ADCYAP1R1: variants seen among roughly 807,000 people sequenced by gnomAD.
ADCYAP1R1 encodes pituitary adenylate cyclase-activating polypeptide type I receptor.
A neutral mutation model predicts 67.6 loss-of-function variants in ADCYAP1R1; 44 were observed. The ratio of observed to expected loss-of-function variants is 0.65; its 90% CI spans 0.51 to 0.84. The LOEUF (loss-of-function observed/expected upper bound fraction) is 0.84, where lower values mean the gene tolerates loss of function less well. Ranked by LOEUF, ADCYAP1R1 falls within the 40% of genes least tolerant of loss-of-function variation. ADCYAP1R1 has a pLI of 0.00. For missense variants in ADCYAP1R1, 477 were observed against 587.9 expected (o/e 0.81, Z 1.95); for synonymous variants, 222 against 219.6 (o/e 1.01, Z -0.10).
At chr7:31,097,329 GACTTAATT>G (rs1450181849) in intron 13 of ADCYAP1R1, among the ~76,000 whole-genome samples, 2 of 152,192 alleles carry the variant, frequency 1.3e-5, no homozygotes, top group African/African-American at 4.8e-5. Flanking sequence ...CCTTCTTCCT[GACTTAATT>G]TATTTTCCCT....
At chr7:31,099,977 T>C in intron 13 of ADCYAP1R1, 1 of 716,266 alleles carries the variant, frequency 1.4e-6, no homozygotes, top group Non-Finnish European at 2.4e-6. Flanking sequence ...GAGCTGCCCA[T>C]GTCTTGGCCC....
chr7:31,061,768 G>A (rs1002716295), intron 1 of ADCYAP1R1, among the ~76,000 whole-genome samples: 6 of 152,168 alleles, frequency 3.9e-5, no homozygotes, highest in African/African-American at 1.4e-4. Context: ...GAGAGAGGGA[G>A]GGGACGTGGT....
Position 31,080,637 on chromosome 7 carries a change from A to C in ADCYAP1R1, c.286+4A>C. 6.2e-7 allele frequency: 1 copy of C among 1,613,810 alleles called. No homozygotes were observed. The highest frequency in any genetic ancestry group is 8.5e-7 in the Non-Finnish European group (1 of 1,179,956). On this transcript the variant is annotated splice_donor_region_variant and intron_variant, in intron 5 of 15. Transcript: ENST00000304166. Reference sequence around the variant, plus strand: ...GTCTGGGAGACCGAAACCATTGGTAAGAGGAACCTTGGTGAGGATAGACCG... The same window carrying C: ...GTCTGGGAGACCGAAACCATTGGTACGAGGAACCTTGGTGAGGATAGACCG...
At chr7:31,067,479 G>T (rs966335438) in intron 3 of ADCYAP1R1, among the ~76,000 whole-genome samples, 2 of 151,738 alleles carry the variant, frequency 1.3e-5, no homozygotes, top group African/African-American at 4.8e-5. Context: ...TGTGTGCCAG[G>T]CTCTGTGCCA....
chr7:31,078,106 T>C lies in ADCYAP1R1; in HGVS notation c.265+8T>C, dbSNP rs754064970. ...TCTTCAACCCAGACCAAGGTGGGTT[T>C]AGCCCAGTCTCTTTAGGCCACGCTG... On this transcript the variant is annotated splice_region_variant and intron_variant, in intron 4 of 15. Coordinates refer to ENST00000304166, the MANE Select transcript of ADCYAP1R1 (RefSeq NM_001118.5). 68 of 1,603,070 alleles carry C rather than the reference T, an allele frequency of 4.2e-5. No homozygotes were observed. In the South Asian group the frequency reaches 7.6e-4, roughly 18 times the overall value.
chr7:31,108,550 C>T lies in ADCYAP1R1; in HGVS notation c.*1866C>T, dbSNP rs1796731487. The T allele has an allele frequency of 6.6e-6, 1 of 152,248 alleles. No homozygotes were observed. The highest frequency in any genetic ancestry group is 2.4e-5 in the African/African-American group (1 of 41,454). The allele number at this position is 152,248 out of a possible 1,614,324, so 9.4% of individuals were successfully genotyped here. On this transcript the variant is annotated 3_prime_UTR_variant, in exon 16 of 16. Coordinates refer to ENST00000304166, the MANE Select transcript of ADCYAP1R1 (RefSeq NM_001118.5). ...GGCCTAGGGTTCAGGGAACTAGACT[C>T]TATCCCAGTTGGGTTCAGACTGCTG...
intron 1 of ADCYAP1R1, among the ~76,000 whole-genome samples, chr7:31,058,952 G>C (rs1197919838): frequency 6.6e-6 from 1 of 152,218 alleles, no homozygotes; most frequent in Admixed American, 6.5e-5. Flanking sequence ...GCTAATGCTA[G>C]TAACTATTTC....
intron 3 of ADCYAP1R1, among the ~76,000 whole-genome samples, chr7:31,069,854 G>C (rs2128620408): frequency 6.6e-6 from 1 of 152,336 alleles, no homozygotes; most frequent in East Asian, 1.9e-4. Flanking sequence ...AGCCTGCCTT[G>C]CATTGTTTGC....
Position 31,086,765 on chromosome 7 carries a change from C to A in ADCYAP1R1, c.824-178C>A, listed in dbSNP as rs541047001. Among the ~76,000 whole-genome samples, 1 of 152,086 alleles carries A rather than the reference C, an allele frequency of 6.6e-6. No individual in the cohort carries two copies. The highest frequency in any genetic ancestry group is 2.4e-5 in the African/African-American group (1 of 41,404). On this transcript the variant is annotated intron_variant, in intron 10 of 15. Transcript: ENST00000304166. The surrounding 1 kb of genome is among the most constrained non-coding windows in gnomAD (Gnocchi z 5.0). ...AGGAGTCCTCTGAGAGACAAGACAG[C>A]CCTTGGTCTGAGGGAGATATAGACC...
At chr7:31,078,182 G>C (rs1795358465) in intron 4 of ADCYAP1R1, 84 bp downstream of exon 4, 1 of 1,117,642 alleles carries the variant, frequency 8.9e-7, no homozygotes, top group Admixed American at 2.4e-5. Context: ...AGGACAGGGA[G>C]GCCACCCTGT....
intron 4 of ADCYAP1R1, among the ~76,000 whole-genome samples, chr7:31,078,480 G>T (rs1256128710): frequency 6.6e-6 from 1 of 152,206 alleles, no homozygotes; most frequent in Non-Finnish European, 1.5e-5. Flanking sequence ...CGCTTTGAAC[G>T]TGCAGTAGTA....
At chr7:31,064,143 C>T (rs1794631471) in intron 2 of ADCYAP1R1, among the ~76,000 whole-genome samples, 1 of 152,202 alleles carries the variant, frequency 6.6e-6, no homozygotes, top group Non-Finnish European at 1.5e-5. Context: ...GTTTCTTAAC[C>T]TCTCTGAGCC....
rs79629468 is a variant in ADCYAP1R1, at chr7:31,102,289, A to G, written c.1047-948A>G. 0.013 allele frequency among the ~76,000 whole-genome samples: 1,968 copies of G among 152,254 alleles called. 55 individuals are homozygous for G. Among genetic ancestry groups the G allele is most frequent in the East Asian group, 0.092 (474 of 5,144 alleles). On this transcript the variant is annotated intron_variant, in intron 13 of 15. Transcript: ENST00000304166. The surrounding 1 kb of genome is among the most constrained non-coding windows in gnomAD (Gnocchi z 4.3). ...CAGGTGCAGCCTGGGGGCAGGCCAC[A>G]TCTGCGGGGCAGGCCACATCTGCAG...
In ADCYAP1R1 at chr7:31,080,561, A is replaced by G. The variant is rs1795473257; in HGVS notation, c.266-52A>G. ...AGGAGAGCAGCCCCTGACTTTTCTC[A>G]CCCCGCTGCTCACCTCTGACTTTTC... On this transcript the variant is annotated intron_variant, in intron 4 of 15. Coordinates refer to ENST00000304166, the MANE Select transcript of ADCYAP1R1 (RefSeq NM_001118.5). 3 of 1,596,578 alleles carry G rather than the reference A, an allele frequency of 1.9e-6. No homozygotes were observed. In the Admixed American group the frequency reaches 5.0e-5, roughly 27 times the overall value.
chr7:31,085,486 C>T lies in ADCYAP1R1; in HGVS notation c.669+44C>T, dbSNP rs200295217. On this transcript the variant is annotated intron_variant, in intron 9 of 15. Transcript: ENST00000304166. ...CCCATTAGGGCTCTGCCGGGAAGGT[C>T]CCGCACCATCCCCTTGGTTCCCCAG... 4 of 1,574,488 alleles carry T rather than the reference C, an allele frequency of 2.5e-6. No homozygotes were observed. In the Admixed American group the frequency reaches 5.3e-5, roughly 21 times the overall value.
At position 31,103,186 on chromosome 7, in the gene ADCYAP1R1, GC is replaced by G. The variant is rs111828121; in HGVS notation, c.1047-47del. ...GAGTTCTCTGCCCTCCGTGGCTCTG[GC>G]CCCGAGCCCTGGAAGTCCCCAGAGC... On this transcript the variant is annotated intron_variant, in intron 13 of 15. Transcript: ENST00000304166. The G allele has an allele frequency of 6.5e-4, 1,033 of 1,599,000 alleles. 7 individuals carry two copies. The African/African-American group carries it at 0.012, about 18-fold the overall frequency.
intron 13 of ADCYAP1R1, among the ~76,000 whole-genome samples, chr7:31,095,936 G>C (rs936003625): frequency 6.6e-6 from 1 of 152,150 alleles, no homozygotes; most frequent in African/African-American, 2.4e-5. Flanking sequence ...ACAGGACTTG[G>C]GCAGTGGGCA....
intron 3 of ADCYAP1R1, 127 bp from the exon 4 acceptor site, chr7:31,077,864 T>G (rs1170271876): frequency 1.8e-6 from 1 of 566,502 alleles, no homozygotes; most frequent in Admixed American, 3.5e-5. Flanking sequence ...GTGTGTAGCA[T>G]GTATGTTGCT....
intron 3 of ADCYAP1R1, among the ~76,000 whole-genome samples, chr7:31,071,461 G>T (rs1794976164): frequency 6.6e-6 from 1 of 152,110 alleles, no homozygotes; most frequent in South Asian, 2.1e-4. Context: ...GTCAGGAGTG[G>T]AGAGGTCTCA....
Sources: allele counts gnomAD v4.1 joint callset (sites outside exome capture counted in the v4.1 genomes callset), GRCh38; gene constraint gnomAD v4.1.1; non-coding constraint Gnocchi (gnomAD v3.1); transcripts MANE v1.5; gene names NCBI Gene and HGNC (gene_info 2026-07-23, HGNC 2026-07-21).